The following TRAF3IP3 variants were observed in gnomAD, a reference collection of about 807,000 sequenced individuals.
TRAF3IP3 encodes TRAF3 interacting protein 3.
In TRAF3IP3, 64 loss-of-function variants were observed where a neutral mutation model predicts 86.5. That is an observed-to-expected ratio of 0.74 (90% CI 0.60 to 0.91). The LOEUF (loss-of-function observed/expected upper bound fraction) is 0.91. Ranked by LOEUF, TRAF3IP3 falls within the 40% of genes least tolerant of loss-of-function variation. The pLI is 0.00. For missense variants in TRAF3IP3, 579 were observed against 642.9 expected, an observed-to-expected ratio of 0.90 and a Z score of 1.07; for synonymous variants, 220 against 243.9, an observed-to-expected ratio of 0.90 and a Z score of 0.91.
At chr1:209,757,277 G>A (rs1443145390) in intron 1 of TRAF3IP3, among the ~76,000 whole-genome samples, 1 of 152,194 alleles carries the variant, frequency 6.6e-6, no homozygotes, top group East Asian at 1.9e-4. Context: ...ACTAAGGTTG[G>A]TGGCCTGGGT....
chr1:209,756,722 G>A (rs1457413217), intron 1 of TRAF3IP3, among the ~76,000 whole-genome samples: 1 of 152,212 alleles, frequency 6.6e-6, no homozygotes, highest in Non-Finnish European at 1.5e-5. Context: ...GGCCAGGAAG[G>A]CCAACCCATG....
chr1:209,773,007 C>T lies in TRAF3IP3; in HGVS notation c.762C>T (p.Tyr254=), dbSNP rs1350469279. Residue 254 remains tyrosine, a synonymous_variant, in exon 9 of 17, where the codon TAC becomes TAT. Transcript: ENST00000367025. The part of the protein sequence containing the change: ...GKLRSLENQL[Y]TCTQKYSPWG... Reference sequence around the variant, plus strand: ...TGAGATCCTTAGAAAACCAGCTATACACCTGTACCCAGGTAAGCATTCTGA... The same window carrying T: ...TGAGATCCTTAGAAAACCAGCTATATACCTGTACCCAGGTAAGCATTCTGA... The T allele has an allele frequency of 6.2e-7, 1 of 1,611,998 alleles. No individual in the cohort carries two copies. The highest frequency in any genetic ancestry group is 8.5e-7 in the Non-Finnish European group (1 of 1,179,212).
intron 1 of TRAF3IP3, among the ~76,000 whole-genome samples, 172 bp downstream of exon 1, chr1:209,756,481 G>A (rs2077157173): frequency 6.6e-6 from 1 of 152,240 alleles, no homozygotes; most frequent in Admixed American, 6.5e-5. Flanking sequence ...TTCCTGTGGC[G>A]CTAGCCATGG....
At chr1:209,757,314 G>A (rs1029164424) in intron 1 of TRAF3IP3, among the ~76,000 whole-genome samples, 2 of 152,218 alleles carry the variant, frequency 1.3e-5, no homozygotes, top group African/African-American at 4.8e-5. Flanking sequence ...CCTCATCTCA[G>A]GCACTGTCTT....
rs1367831306 is a variant in TRAF3IP3 at position 209,777,441 on chromosome 1, G to A, written c.1143G>A (p.Leu381=). 1.2e-6 allele frequency: 2 copies of A among 1,613,998 alleles called. No individual in the cohort carries two copies. The highest frequency in any genetic ancestry group is 1.7e-6 in the Non-Finnish European group (2 of 1,180,024). Residue 381 remains leucine, a synonymous_variant, in exon 12 of 17, where the codon CTG becomes CTA. Transcript: ENST00000367025. The part of the protein sequence containing the change: ...HQQLQAKIEC[L]QGDRDLCSLD... ...AACTGCAGGCCAAGATTGAATGCCT[G>A]CAAGGGGACAGAGACCTGTGCAGCT...
At chr1:209,762,696 T>C in intron 4 of TRAF3IP3, 34 bp downstream of exon 4, 1 of 1,253,126 alleles carries the variant, frequency 8.0e-7, no homozygotes, top group Non-Finnish European at 1.0e-6. Flanking sequence ...CCACAGGGCC[T>C]GCAGAGAATC....
rs572875942 is a variant in TRAF3IP3, at chr1:209,781,297, T to C, written c.1450-48T>C. 9 of 1,359,888 alleles carry C rather than the reference T, an allele frequency of 6.6e-6. No individual in the cohort carries two copies. In the African/African-American group the frequency reaches 1.3e-4, roughly 19 times the overall value. 84.2% of individuals were successfully genotyped at this position (1,359,888 alleles called of 1,614,324 possible). A position where few individuals can be genotyped will look rare whatever the true frequency, so the allele number is the denominator to read the frequency against. On this transcript the variant is annotated intron_variant, in intron 15 of 16. Transcript: ENST00000367025. ...AGGGCAGTCTCCCCTGCCTGGGCTC[T>C]GTCCTAGACAGAAGTGACAGTGATG...
intron 8 of TRAF3IP3, among the ~76,000 whole-genome samples, chr1:209,767,252 G>A (rs1395182236): frequency 2.6e-5 from 4 of 152,182 alleles, no homozygotes; most frequent in Non-Finnish European, 5.9e-5. Flanking sequence ...GAGAAACACT[G>A]CTATAGGTAA....
At chr1:209,781,499 G>A (rs2077779287) in intron 16 of TRAF3IP3, 41 bp downstream of exon 16, 2 of 1,470,228 alleles carry the variant, frequency 1.4e-6, no homozygotes, top group African/African-American at 1.4e-5. Context: ...TGGATGATGG[G>A]ACGATTCCTT....
At chr1:209,756,934 C>G (rs1045154444) in intron 1 of TRAF3IP3, among the ~76,000 whole-genome samples, 1 of 152,212 alleles carries the variant, frequency 6.6e-6, no homozygotes, top group African/African-American at 2.4e-5. Context: ...CAGGGGGGAA[C>G]CTGAGAGATG....
chr1:209,756,759 C>G (rs2077161326), intron 1 of TRAF3IP3, among the ~76,000 whole-genome samples: 1 of 152,212 alleles, frequency 6.6e-6, no homozygotes, highest in Non-Finnish European at 1.5e-5. Flanking sequence ...GTCTCCATTA[C>G]AAACATGGCC....
intron 8 of TRAF3IP3, among the ~76,000 whole-genome samples, chr1:209,765,222 A>AGG (rs2077326765): frequency 2.1e-5 from 2 of 97,250 alleles, no homozygotes; most frequent in South Asian, 3.6e-4. Flanking sequence ...AGGGAGAGAG[A>AGG]GAGAGAGGAA....
chr1:209,763,004 C>T, intron 5 of TRAF3IP3, 64 bp from the exon 6 acceptor site: 1 of 1,591,216 alleles, frequency 6.3e-7, no homozygotes, highest in Non-Finnish European at 8.6e-7. Context: ...AAGGAATCAA[C>T]CCACTGCCTC....
intron 12 of TRAF3IP3, 165 bp from the exon 13 acceptor site, chr1:209,777,946 T>C (rs183212488): frequency 6.2e-6 from 4 of 641,582 alleles, no homozygotes; most frequent in Admixed American, 6.0e-5. Flanking sequence ...GGTACTTGGC[T>C]TCTGGTTTAC....
chr1:209,780,807 G>A (rs900012403), intron 15 of TRAF3IP3: 4 of 368,798 alleles, frequency 1.1e-5, no homozygotes, highest in African/African-American at 6.3e-5. Context: ...CCTATTCAAG[G>A]TTTTATTAAA....
chr1:209,782,257 TCTGA>T lies in TRAF3IP3; in HGVS notation c.*112_*115del, dbSNP rs1363682062. 2.5e-6 allele frequency: 2 copies of T among 815,270 alleles called. No homozygotes were observed. The highest frequency in any genetic ancestry group is 4.2e-6 in the Non-Finnish European group (2 of 481,534). The allele number at this position is 815,270 out of a possible 1,614,324, so 50.5% of individuals were successfully genotyped here. A position where few individuals can be genotyped will look rare whatever the true frequency, so the allele number is the denominator to read the frequency against. On this transcript the variant is annotated 3_prime_UTR_variant, in exon 17 of 17. Transcript: ENST00000367025. ...TGGGTTTTCCAACTGACTTAGGATTTCTGACTTTTTATTAATTTCTTAACCTACT... is the reference window on the plus strand; with the variant it reads ...TGGGTTTTCCAACTGACTTAGGATTTCTTTTTATTAATTTCTTAACCTACT...
rs2077727299 is a variant in TRAF3IP3 at position 209,779,344 on chromosome 1, C to G, written c.1282C>G (p.Gln428Glu). The change falls in exon 14 of 17, where the codon CAA (glutamine) becomes GAA (glutamate). Residue 428 changes from glutamine to glutamate, a missense_variant. By Grantham distance (29) the Gln-to-Glu change is conservative. Transcript: ENST00000367025. ...GLLQNQSLQL[Q>E]EQEKLLTKKD... ...GCTTCAAAATCAATCCTTACAGCTT[C>G]AAGAACAGGAGAAACTCTTAACAAA... is the stretch of plus-strand genomic sequence containing the variant. The G allele has an allele frequency of 1.2e-6, 2 of 1,614,014 alleles. No individual in the cohort carries two copies. The highest frequency in any genetic ancestry group is 1.7e-6 in the Non-Finnish European group (2 of 1,179,988).
rs1415667033 is a variant in TRAF3IP3, at chr1:209,760,053, A to G, written c.14A>G (p.Asp5Gly). 1.2e-6 allele frequency: 2 copies of G among 1,613,326 alleles called. No individual in the cohort carries two copies. Among genetic ancestry groups the G allele is most frequent in the Admixed American group, 3.3e-5 (2 of 60,006 alleles). MISP[D>G]PRPSPGLARW... ...TTGGAGGTCATCATGATCAGCCCAGACCCCAGGCCCTCCCCTGGCTTGGCC... is the reference window on the plus strand; with the variant it reads ...TTGGAGGTCATCATGATCAGCCCAGGCCCCAGGCCCTCCCCTGGCTTGGCC... Residue 5 changes from aspartate (D) to glycine (G), a missense_variant, in exon 3 of 17, where the codon GAC becomes GGC. Transcript: ENST00000367025.
rs751607587 is a variant in TRAF3IP3 at position 209,760,331 on chromosome 1, G to C, written c.292G>C (p.Val98Leu). The C allele has an allele frequency of 2.5e-6, 4 of 1,613,410 alleles. No individual in the cohort carries two copies. Among genetic ancestry groups the C allele is most frequent in the Non-Finnish European group, 3.4e-6 (4 of 1,179,748 alleles). The change falls in exon 3 of 17, where the codon GTC becomes CTC. Residue 98 changes from valine to leucine, a missense_variant. Val to Leu is a conservative substitution (Grantham distance 32). Coordinates refer to ENST00000367025, the MANE Select transcript of TRAF3IP3 (RefSeq NM_025228.4). ...CTCCAGGCGGCCAGGACAGGTGACT[G>C]TCCTCAAGGAACCCTTGTCTTGTGC... ...GPSRRPGQVTVLKEPLSCARR... is the reference protein window; with the variant it reads ...GPSRRPGQVTLLKEPLSCARR...
Sources: gnomAD v4.1 joint callset for allele counts (sites outside exome capture counted in the v4.1 genomes callset) on GRCh38, gnomAD v4.1.1 for gene constraint, MANE v1.5 for transcripts, NCBI Gene and HGNC (gene_info 2026-07-23, HGNC 2026-07-21) for gene names.